The following SLC38A4 variants were observed in gnomAD, a reference collection of about 807,000 sequenced individuals.
The protein encoded by SLC38A4 is sodium-coupled neutral amino acid transporter 4.
Under a neutral mutation model 63.1 loss-of-function variants are expected in SLC38A4, and 20 were observed. The ratio of observed to expected loss-of-function variants is 0.32; its 90% CI spans 0.22 to 0.46. SLC38A4 has a LOEUF of 0.46. SLC38A4 is among the 20% of genes least tolerant of loss of function. SLC38A4 has a pLI of 1.00. For synonymous variants in SLC38A4, 230 were observed against 225.5 expected (o/e 1.02, Z -0.18); for missense variants, 526 against 663.6 (o/e 0.79, Z 2.28).
At chr12:46,806,004 T>A (rs1467796891) in intron 1 of SLC38A4, among the ~76,000 whole-genome samples, 2 of 151,268 alleles carry the variant, frequency 1.3e-5, no homozygotes, top group Non-Finnish European at 2.9e-5. Context: ...CTCCAGGAAA[T>A]AAGGAGTCCC....
chr12:46,784,184 A>G (rs1219348070), intron 7 of SLC38A4, among the ~76,000 whole-genome samples: 1 of 152,002 alleles, frequency 6.6e-6, no homozygotes, highest in Non-Finnish European at 1.5e-5. Context: ...AATCGAACTC[A>G]GTCACACATA....
At chr12:46,806,575 G>C (rs938452935) in intron 1 of SLC38A4, among the ~76,000 whole-genome samples, 11 of 151,916 alleles carry the variant, frequency 7.2e-5, no homozygotes, top group Admixed American at 4.6e-4. Context: ...ATGGTAATTT[G>C]ACTCTTTCTC....
In SLC38A4 at chr12:46,777,024, CA is replaced by C; in HGVS notation, c.1074-21del. ...GACCGACTGGAAAAAGAAAGAACAC[CA>C]AGCTTTGTTTTTTAAACTTACAAAA... On this transcript the variant is annotated intron_variant, in intron 12 of 16. Coordinates refer to ENST00000266579, the MANE Select transcript of SLC38A4 (RefSeq NM_018018.5). 1.3e-6 allele frequency: 2 copies of C among 1,578,458 alleles called. No individual in the cohort carries two copies. Among genetic ancestry groups the C allele is most frequent in the Non-Finnish European group, 1.7e-6 (2 of 1,157,240 alleles).
At chr12:46,777,400 G>T (rs1938551535) in intron 12 of SLC38A4, among the ~76,000 whole-genome samples, 1 of 151,920 alleles carries the variant, frequency 6.6e-6, no homozygotes, top group South Asian at 2.1e-4. Context: ...ACTACTGCCA[G>T]GAGTCCAGAC....
chr12:46,799,217 T>G (rs921264793), intron 2 of SLC38A4, among the ~76,000 whole-genome samples: 2 of 152,170 alleles, frequency 1.3e-5, no homozygotes, highest in South Asian at 2.1e-4. Context: ...TTTACAGTTC[T>G]CAAAACTCTC....
chr12:46,765,270 A>G lies in SLC38A4; in HGVS notation c.*1431T>C, dbSNP rs1357579508. Reference sequence around the variant, plus strand: ...AGGAATTTTTAAATCCATTTTATGTAAGTTTGTTATAGAAGTGAGCAAGAA... The same window carrying G: ...AGGAATTTTTAAATCCATTTTATGTGAGTTTGTTATAGAAGTGAGCAAGAA... On this transcript the variant is annotated 3_prime_UTR_variant, in exon 17 of 17. Coordinates refer to ENST00000266579, the MANE Select transcript of SLC38A4 (RefSeq NM_018018.5). 7.0e-5 allele frequency: 11 copies of G among 156,938 alleles called. No homozygotes were observed. In the Admixed American group the frequency reaches 7.1e-4, roughly 10 times the overall value. 9.7% of individuals were successfully genotyped at this position (156,938 alleles called of 1,614,324 possible). A position where few individuals can be genotyped will look rare whatever the true frequency, so the allele number is the denominator to read the frequency against.
intron 14 of SLC38A4, among the ~76,000 whole-genome samples, chr12:46,771,747 C>T (rs1365080313): frequency 1.3e-5 from 2 of 152,012 alleles, no homozygotes; most frequent in African/African-American, 4.8e-5. Flanking sequence ...GTTAAAGTGC[C>T]TCCCTGAGTA....
At chr12:46,792,493 G>C in intron 3 of SLC38A4, among the ~76,000 whole-genome samples, 1 of 152,058 alleles carries the variant, frequency 6.6e-6, no homozygotes, top group African/African-American at 2.4e-5. Flanking sequence ...CAGTAGAGAC[G>C]TGCAGTAGAC....
chr12:46,778,837 A>G (rs1938583057), intron 10 of SLC38A4, 61 bp from the exon 11 acceptor site: 1 of 1,516,214 alleles, frequency 6.6e-7, no homozygotes, highest in East Asian at 2.3e-5. Context: ...CAATGAAATA[A>G]GAATCCATAT....
chr12:46,818,433 G>T (rs1449017621), intron 1 of SLC38A4, among the ~76,000 whole-genome samples: 6 of 151,838 alleles, frequency 4.0e-5, no homozygotes, highest in African/African-American at 1.4e-4. Flanking sequence ...CAAGTAAATT[G>T]TTCCTTAAAC....
intron 14 of SLC38A4, 137 bp from the exon 15 acceptor site, chr12:46,769,565 T>C: frequency 1.1e-6 from 1 of 912,872 alleles, no homozygotes; most frequent in Non-Finnish European, 1.6e-6. Context: ...TTTTTTCAAT[T>C]TTTTTATTAT....
chr12:46,779,753 A>C (rs1938600961), intron 9 of SLC38A4, 27 bp downstream of exon 9: 1 of 1,589,000 alleles, frequency 6.3e-7, no homozygotes, highest in East Asian at 2.2e-5. Context: ...AAAAATAAAA[A>C]TATTTCCAGT....
At chr12:46,775,334 C>A (rs1938501012) in intron 13 of SLC38A4, among the ~76,000 whole-genome samples, 161 bp from the exon 14 acceptor site, 1 of 152,056 alleles carries the variant, frequency 6.6e-6, no homozygotes, top group African/African-American at 2.4e-5. Context: ...GCTATGCAAC[C>A]TTCATTCAAA....
intron 16 of SLC38A4, among the ~76,000 whole-genome samples, chr12:46,767,185 A>G (rs1938318526): frequency 6.6e-6 from 1 of 152,104 alleles, no homozygotes; most frequent in Non-Finnish European, 1.5e-5. Context: ...TTCTAATTTT[A>G]TAAAGCAAAC....
intron 3 of SLC38A4, 129 bp from the exon 4 acceptor site, chr12:46,788,747 C>A: frequency 3.9e-6 from 3 of 763,096 alleles, no homozygotes; most frequent in Admixed American, 2.4e-5. Flanking sequence ...ATTTTCTTTT[C>A]CTCCTTCACA....
At chr12:46,810,810 C>T (rs963840432) in intron 1 of SLC38A4, among the ~76,000 whole-genome samples, 3 of 151,946 alleles carry the variant, frequency 2.0e-5, no homozygotes, top group Non-Finnish European at 2.9e-5. Context: ...AATTGTTAGT[C>T]AAATCCTGGG....
chr12:46,801,234 A>C (rs914467952), intron 2 of SLC38A4, among the ~76,000 whole-genome samples: 2 of 152,122 alleles, frequency 1.3e-5, no homozygotes, highest in African/African-American at 4.8e-5. Context: ...TGAGTAGCTA[A>C]TTCTTTATAT....
chr12:46,820,862 T>C (rs1939531110), intron 1 of SLC38A4, among the ~76,000 whole-genome samples: 1 of 152,094 alleles, frequency 6.6e-6, no homozygotes, highest in African/African-American at 2.4e-5. Context: ...TTTTTGATAA[T>C]AGCCGTCCTA....
At chr12:46,775,960 G>A (rs1328322819) in intron 13 of SLC38A4, among the ~76,000 whole-genome samples, 4 of 151,628 alleles carry the variant, frequency 2.6e-5, no homozygotes, top group Non-Finnish European at 1.5e-5. Context: ...TTTCACAACC[G>A]GCAAAAAGTT....
Sources: gnomAD v4.1 joint callset for allele counts (sites outside exome capture counted in the v4.1 genomes callset) on GRCh38, gnomAD v4.1.1 for gene constraint, MANE v1.5 for transcripts, NCBI Gene and HGNC (gene_info 2026-07-23, HGNC 2026-07-21) for gene names.